The following BID variants were observed in gnomAD, a reference collection of about 807,000 sequenced individuals.
The protein encoded by BID is BH3-interacting domain death agonist.
In BID, 19 loss-of-function variants were observed where a neutral mutation model predicts 17.4. The observed-to-expected ratio is 1.09, with a 90% CI of 0.76 to 1.60. The LOEUF is 1.60. Among genes scored for constraint, BID ranks in the 40% most tolerant of loss-of-function variants. The pLI is 0.00. For missense variants in BID, 226 were observed against 256.0 expected (o/e 0.88, Z 0.80); for synonymous variants, 108 against 102.8 (o/e 1.05, Z -0.31).
chr22:17,750,647 T>C (rs1282374054), intron 1 of BID, among the ~76,000 whole-genome samples: 1 of 152,010 alleles, frequency 6.6e-6, no homozygotes, highest in African/African-American at 2.4e-5. Flanking sequence ...GCTAATGCGG[T>C]GAAACCCTGT....
chr22:17,750,042 C>T (rs1332692638), intron 2 of BID, 63 bp downstream of exon 2: 5 of 1,509,282 alleles, frequency 3.3e-6, no homozygotes, highest in Non-Finnish European at 4.5e-6. Flanking sequence ...GTGGGGGACA[C>T]GCAGGCCCTT....
At position 17,735,427 on chromosome 22, in the gene BID, T is replaced by TAACA; in HGVS notation, c.*149_*152dup. On this transcript the variant is annotated 3_prime_UTR_variant, in exon 6 of 6. Transcript: ENST00000622694. ...GATATTTTAAAGTGGGTTATAAGTT[T>TAACA]AACATTGTCTTTAAAATAGAAGTCA... 4 of 804,356 alleles carry TAACA rather than the reference T, an allele frequency of 5.0e-6. No homozygotes were observed. The South Asian group carries it at 6.7e-5, about 13-fold the overall frequency. The allele number at this position is 804,356 out of a possible 1,614,324, so 49.8% of individuals were successfully genotyped here.
At chr22:17,742,058 A>G (rs2061463138) in intron 3 of BID, among the ~76,000 whole-genome samples, 1 of 152,198 alleles carries the variant, frequency 6.6e-6, no homozygotes, top group Non-Finnish European at 1.5e-5. Flanking sequence ...GAGTAGCAAC[A>G]GGAATCTTTC....
chr22:17,750,957 A>C (rs1391615408), intron 1 of BID, among the ~76,000 whole-genome samples: 2 of 151,384 alleles, frequency 1.3e-5, no homozygotes, highest in Non-Finnish European at 2.9e-5. Context: ...GATCACTTAC[A>C]CCCAGGAGGT....
At chr22:17,763,312 T>C (rs2061654866) in intron 1 of BID, among the ~76,000 whole-genome samples, 1 of 151,992 alleles carries the variant, frequency 6.6e-6, no homozygotes. Context: ...GGCACAATCT[T>C]GGCTCACTGC....
At chr22:17,774,198 C>G (rs899186239) in intron 1 of BID, among the ~76,000 whole-genome samples, 183 bp downstream of exon 1, 2 of 151,684 alleles carry the variant, frequency 1.3e-5, no homozygotes, top group Non-Finnish European at 2.9e-5. Flanking sequence ...GCGGGAGAGA[C>G]CCGGCCCTCA....
chr22:17,764,628 G>T (rs2061665483), intron 1 of BID, among the ~76,000 whole-genome samples: 1 of 152,216 alleles, frequency 6.6e-6, no homozygotes, highest in African/African-American at 2.4e-5. Flanking sequence ...TTTTGTTGGG[G>T]GGTGGAAATA....
chr22:17,736,809 A>AT (rs537354233), intron 5 of BID, among the ~76,000 whole-genome samples: 2,852 of 142,328 alleles, frequency 0.02, 28 homozygotes, highest in Middle Eastern at 0.041. Flanking sequence ...TGCTCAGCTA[A>AT]TTTTTTTTTT....
chr22:17,774,054 G>GCCCCGCA (rs2061741478), intron 1 of BID: 3 of 347,000 alleles, frequency 8.6e-6, no homozygotes, highest in Non-Finnish European at 1.6e-5. Context: ...CCCTCCCCGC[G>GCCCCGCA]CCCCGCACCC....
chr22:17,750,072 C>A (rs1447468478), intron 2 of BID, 33 bp downstream of exon 2: 4 of 1,607,660 alleles, frequency 2.5e-6, no homozygotes, highest in East Asian at 2.2e-5. Context: ...CCCCGCCCCC[C>A]ACAAGGCACC....
At chr22:17,758,506 A>ATT (rs1317186647) in intron 1 of BID, among the ~76,000 whole-genome samples, 5 of 152,258 alleles carry the variant, frequency 3.3e-5, no homozygotes, top group Non-Finnish European at 5.9e-5. Flanking sequence ...TTGCACACCC[A>ATT]TGCTAACAGC....
intron 1 of BID, among the ~76,000 whole-genome samples, chr22:17,754,847 C>T (rs140633577): frequency 2.0e-5 from 3 of 152,142 alleles, no homozygotes; most frequent in Non-Finnish European, 4.4e-5. Context: ...TCACTGCAAC[C>T]TCCGCCTCCC....
intron 3 of BID, chr22:17,739,829 A>G (rs1031981767): frequency 5.1e-6 from 3 of 590,576 alleles, no homozygotes; most frequent in Non-Finnish European, 3.0e-6. Flanking sequence ...ACACAACCCA[A>G]CAGGGTTGGC....
At chr22:17,756,472 T>TC (rs2061589726) in intron 1 of BID, among the ~76,000 whole-genome samples, 1 of 104,218 alleles carries the variant, frequency 9.6e-6, no homozygotes, top group African/African-American at 3.6e-5. Context: ...TCTTTCTTTC[T>TC]TTCTTTTCTT....
intron 1 of BID, among the ~76,000 whole-genome samples, chr22:17,766,572 C>A (rs1013170684): frequency 6.9e-6 from 1 of 145,728 alleles, no homozygotes; most frequent in African/African-American, 2.6e-5. Flanking sequence ...TGAGCCACTT[C>A]GCGCCCAGCC....
intron 1 of BID, chr22:17,764,209 C>T (rs2145916446): frequency 6.5e-6 from 1 of 154,736 alleles, no homozygotes; most frequent in East Asian, 1.9e-4. Flanking sequence ...CCCAGGACTC[C>T]ACAGAACCGT....
At position 17,774,426 on chromosome 22, in the gene BID, G is replaced by A. The variant is rs1355669265; in HGVS notation, c.-104C>T. On this transcript the variant is annotated 5_prime_UTR_variant, in exon 1 of 6. The change creates a new upstream start codon in the 5' untranslated region. Coordinates refer to ENST00000622694, the MANE Select transcript of BID (RefSeq NM_001196.4). ...GCGGGCGCGTCCGGGCCGAGGCAGCGTCTCCCAGGCGCGCGGACACGGTCG... is the reference window on the plus strand; with the variant it reads ...GCGGGCGCGTCCGGGCCGAGGCAGCATCTCCCAGGCGCGCGGACACGGTCG... 1 of 285,476 alleles carries A rather than the reference G, an allele frequency of 3.5e-6. No individual in the cohort carries two copies. The highest frequency in any genetic ancestry group is 7.5e-6 in the Non-Finnish European group (1 of 133,364). 17.7% of individuals were successfully genotyped at this position (285,476 alleles called of 1,614,324 possible). A position where few individuals can be genotyped will look rare whatever the true frequency, so the allele number is the denominator to read the frequency against.
chr22:17,755,573 C>T (rs1448922640), intron 1 of BID, among the ~76,000 whole-genome samples: 5 of 151,804 alleles, frequency 3.3e-5, no homozygotes, highest in Admixed American at 2.0e-4. Context: ...GAGGCTGAGG[C>T]GGGTGGATCA....
intron 3 of BID, chr22:17,740,377 T>G (rs1037467736): frequency 8.2e-5 from 47 of 574,466 alleles, no homozygotes; most frequent in Non-Finnish European, 1.4e-4. Flanking sequence ...AGTTAGAGGA[T>G]GCAGTGAGCC....
Sources: gnomAD v4.1 joint callset for allele counts (sites outside exome capture counted in the v4.1 genomes callset) on GRCh38, gnomAD v4.1.1 for gene constraint, MANE v1.5 for transcripts, NCBI Gene and HGNC (gene_info 2026-07-23, HGNC 2026-07-21) for gene names.